The following BNC2 variants were observed in gnomAD, a reference collection of about 807,000 sequenced individuals.
BNC2 encodes basonuclin zinc finger protein 2.
BNC2 carries 20 observed loss-of-function variants against 76.3 expected under a neutral mutation model. That is an observed-to-expected ratio of 0.26 (90% CI 0.18 to 0.38). The LOEUF is 0.38. Ranked by LOEUF, BNC2 falls within the 10% of genes least tolerant of loss-of-function variation. BNC2 has a pLI of 1.00. For synonymous variants in BNC2, 582 were observed against 514.8 expected, an observed-to-expected ratio of 1.13 and a Z score of -1.77; for missense variants, 1,382 against 1,399.8, an observed-to-expected ratio of 0.99 and a Z score of 0.20.
At chr9:16,713,890 T>C (rs1323141016) in intron 3 of BNC2, among the ~76,000 whole-genome samples, 2 of 152,046 alleles carry the variant, frequency 1.3e-5, no homozygotes, top group African/African-American at 2.4e-5. Context: ...GCCTGGGCAA[T>C]ATGGCAAAAC....
intron 1 of BNC2, among the ~76,000 whole-genome samples, chr9:16,864,036 A>G (rs1331195432): frequency 1.3e-5 from 2 of 152,224 alleles, no homozygotes; most frequent in Non-Finnish European, 2.9e-5. Context: ...CATCTCTAAG[A>G]TTTTAAAATA....
At chr9:16,586,211 G>A (rs1055317192) in intron 3 of BNC2, among the ~76,000 whole-genome samples, 1 of 152,068 alleles carries the variant, frequency 6.6e-6, no homozygotes, top group African/African-American at 2.4e-5. Flanking sequence ...TGAGCTGAAT[G>A]GAGGCAGCAG....
intron 2 of BNC2, among the ~76,000 whole-genome samples, chr9:16,730,564 T>C (rs1398246388): frequency 2.6e-5 from 4 of 152,080 alleles, no homozygotes; most frequent in Non-Finnish European, 5.9e-5. Context: ...AGAAAATCAA[T>C]ACAGTCTGTA....
intron 3 of BNC2, among the ~76,000 whole-genome samples, chr9:16,585,150 T>A (rs1819733635): frequency 6.6e-6 from 1 of 152,142 alleles, no homozygotes; most frequent in Non-Finnish European, 1.5e-5. Context: ...CACACTTTCA[T>A]CAACTTTAAT....
At chr9:16,675,593 T>C (rs1394468637) in intron 3 of BNC2, among the ~76,000 whole-genome samples, 3 of 152,178 alleles carry the variant, frequency 2.0e-5, no homozygotes, top group Non-Finnish European at 4.4e-5. Flanking sequence ...AAATTTAGAA[T>C]ACTGCTATAT....
intron 3 of BNC2, among the ~76,000 whole-genome samples, chr9:16,698,746 T>G (rs1313719036): frequency 6.6e-6 from 1 of 152,146 alleles, no homozygotes; most frequent in African/African-American, 2.4e-5. Flanking sequence ...GAAAGATACT[T>G]AGGATAACAA....
chr9:16,747,173 C>A (rs1207525280), intron 1 of BNC2, among the ~76,000 whole-genome samples: 1 of 152,086 alleles, frequency 6.6e-6, no homozygotes, highest in Non-Finnish European at 1.5e-5. Context: ...AGTTAGGCAT[C>A]TTCACAGGGT....
At chr9:16,520,404 G>C (rs1355156413) in intron 5 of BNC2, among the ~76,000 whole-genome samples, 3 of 152,184 alleles carry the variant, frequency 2.0e-5, no homozygotes, top group Admixed American at 2.0e-4. Flanking sequence ...GAATGGTTAA[G>C]TACAAAATCG....
At chr9:16,845,000 G>A (rs1417253146) in intron 1 of BNC2, among the ~76,000 whole-genome samples, 1 of 152,108 alleles carries the variant, frequency 6.6e-6, no homozygotes, top group Non-Finnish European at 1.5e-5. Context: ...TCCAAACACT[G>A]TGTAGGTAGT....
chr9:16,439,154 C>T (rs903217666), intron 5 of BNC2, among the ~76,000 whole-genome samples: 8 of 152,142 alleles, frequency 5.3e-5, no homozygotes, highest in Non-Finnish European at 1.2e-4. Context: ...GGGGCCTCCC[C>T]GGCCATGTGG....
intron 6 of BNC2, among the ~76,000 whole-genome samples, chr9:16,420,691 A>G (rs1330184134): frequency 1.4e-5 from 2 of 145,434 alleles, no homozygotes; most frequent in African/African-American, 5.0e-5. Context: ...ACATACACAT[A>G]TACATATTTT....
chr9:16,658,244 C>A (rs910505847), intron 3 of BNC2, among the ~76,000 whole-genome samples: 1 of 150,342 alleles, frequency 6.7e-6, no homozygotes, highest in Non-Finnish European at 1.5e-5. Flanking sequence ...CATATGTGTG[C>A]CATTAAGTGT....
intron 1 of BNC2, among the ~76,000 whole-genome samples, chr9:16,821,539 G>C (rs1818329831): frequency 6.6e-6 from 1 of 152,170 alleles, no homozygotes; most frequent in Non-Finnish European, 1.5e-5. Flanking sequence ...AACATGCCCT[G>C]GCAGTCAGTG....
chr9:16,637,933 T>C (rs545489408), intron 3 of BNC2, among the ~76,000 whole-genome samples: 6 of 152,232 alleles, frequency 3.9e-5, no homozygotes, highest in South Asian at 2.1e-4. Context: ...AGCAAGAATA[T>C]ATTTTGGAGG....
intron 1 of BNC2, among the ~76,000 whole-genome samples, chr9:16,797,095 T>C (rs1817676175): frequency 6.6e-6 from 1 of 152,220 alleles, no homozygotes; most frequent in Non-Finnish European, 1.5e-5. Context: ...TAATGGCAGC[T>C]TTCATTTACT....
chr9:16,439,750 C>T (rs908159962), intron 5 of BNC2, among the ~76,000 whole-genome samples: 5 of 152,250 alleles, frequency 3.3e-5, no homozygotes, highest in African/African-American at 9.6e-5. Context: ...TAGTTATGTG[C>T]CCCCCTTTGT....
chr9:16,843,031 AAC>A (rs1368368772), intron 1 of BNC2, among the ~76,000 whole-genome samples: 2 of 152,196 alleles, frequency 1.3e-5, no homozygotes, highest in Admixed American at 1.3e-4. Flanking sequence ...TTTTTAATGA[AAC>A]AACAATATGA....
chr9:16,582,631 C>T (rs1344459781), intron 4 of BNC2, among the ~76,000 whole-genome samples: 1 of 152,150 alleles, frequency 6.6e-6, no homozygotes, highest in African/African-American at 2.4e-5. Flanking sequence ...TTGCCAGCTT[C>T]CCTCTGAGGT....
intron 1 of BNC2, among the ~76,000 whole-genome samples, chr9:16,857,025 A>C (rs1292729145): frequency 6.6e-6 from 1 of 152,222 alleles, no homozygotes; most frequent in Non-Finnish European, 1.5e-5. Flanking sequence ...CATACATATA[A>C]AACATACATC....
Sources: gnomAD v4.1 joint callset for allele counts (sites outside exome capture counted in the v4.1 genomes callset) on GRCh38, gnomAD v4.1.1 for gene constraint, MANE v1.5 for transcripts, NCBI Gene and HGNC (gene_info 2026-07-23, HGNC 2026-07-21) for gene names.